PLEKHG1: variants seen among roughly 807,000 people sequenced by gnomAD.
PLEKHG1 encodes the protein pleckstrin homology domain-containing family G member 1.
Under a neutral mutation model 100.8 loss-of-function variants are expected in PLEKHG1, and 44 were observed. That is an observed-to-expected ratio of 0.44 (90% CI 0.34 to 0.56). PLEKHG1 has a LOEUF of 0.56. Ranked by LOEUF, PLEKHG1 falls within the 20% of genes least tolerant of loss-of-function variation. PLEKHG1 has a pLI of 0.01. For synonymous variants in PLEKHG1, 640 were observed against 662.5 expected (o/e 0.97, Z 0.52); for missense variants, 1,545 against 1,720.9 (o/e 0.90, Z 1.81).
upstream of PLEKHG1, among the ~76,000 whole-genome samples, chr6:150,717,880 C>T (rs890573151): frequency 2.0e-5 from 3 of 152,012 alleles, no homozygotes; most frequent in African/African-American, 4.8e-5. Flanking sequence ...GTTGGAGACC[C>T]GCCTCGACAA....
At chr6:150,655,636 A>G (rs962258926) in intron 3 of PLEKHG1, among the ~76,000 whole-genome samples, 1 of 132,418 alleles carries the variant, frequency 7.6e-6, no homozygotes, top group Non-Finnish European at 1.6e-5. Flanking sequence ...TGAACCTGGG[A>G]GGTGGAGCTT....
chr6:150,832,681 C>CTT (rs66957918), intron 15 of PLEKHG1, among the ~76,000 whole-genome samples: 48,656 of 125,424 alleles, frequency 0.39, 11,022 homozygotes, highest in East Asian at 0.49. Flanking sequence ...TTTTTGCATA[C>CTT]TTTTTTTTTT....
intron 3 of PLEKHG1, among the ~76,000 whole-genome samples, chr6:150,776,217 G>A (rs578174153): frequency 6.6e-6 from 1 of 152,198 alleles, no homozygotes; most frequent in Non-Finnish European, 1.5e-5. Context: ...TGTTTTAACC[G>A]TCCTACTCAA....
At chr6:150,715,313 G>T (rs1163114641) in intron 3 of PLEKHG1, among the ~76,000 whole-genome samples, 2 of 152,116 alleles carry the variant, frequency 1.3e-5, no homozygotes, top group African/African-American at 2.4e-5. Context: ...CAGTCTGGAA[G>T]AATGTGTATA....
intron 10 of PLEKHG1, among the ~76,000 whole-genome samples, chr6:150,811,559 A>G (rs1787531580): frequency 6.6e-6 from 1 of 152,026 alleles, no homozygotes; most frequent in Non-Finnish European, 1.5e-5. Context: ...GGCATGAGCC[A>G]CTGTGCCCAG....
At chr6:150,796,553 C>A (rs1786346381) in intron 5 of PLEKHG1, among the ~76,000 whole-genome samples, 1 of 152,068 alleles carries the variant, frequency 6.6e-6, no homozygotes, top group South Asian at 2.1e-4. Flanking sequence ...CTTTTTTTCT[C>A]CAGAAGACAT....
intron 4 of PLEKHG1, among the ~76,000 whole-genome samples, chr6:150,790,702 A>T (rs1428237858): frequency 6.6e-6 from 1 of 152,200 alleles, no homozygotes; most frequent in African/African-American, 2.4e-5. Flanking sequence ...TATCCACGTA[A>T]TGAAGTACTG....
chr6:150,654,666 C>T (rs1048153258), intron 3 of PLEKHG1, among the ~76,000 whole-genome samples: 1 of 152,250 alleles, frequency 6.6e-6, no homozygotes, highest in African/African-American at 2.4e-5. Flanking sequence ...GAAACAACAC[C>T]GCTCAGCCCT....
chr6:150,664,889 T>C (rs1779337956), intron 3 of PLEKHG1, among the ~76,000 whole-genome samples: 1 of 152,216 alleles, frequency 6.6e-6, no homozygotes, highest in South Asian at 2.1e-4. Flanking sequence ...CAGATTACTC[T>C]GTTACTTTCT....
At chr6:150,700,330 C>T (rs114964286) in intron 3 of PLEKHG1, among the ~76,000 whole-genome samples, 4,995 of 152,230 alleles carry the variant, frequency 0.033, 259 homozygotes, top group African/African-American at 0.11. Context: ...TCCCCAGGAC[C>T]AGTAACATCA....
At chr6:150,762,018 C>A (rs1334761428) in intron 2 of PLEKHG1, among the ~76,000 whole-genome samples, 2 of 152,114 alleles carry the variant, frequency 1.3e-5, no homozygotes, top group Non-Finnish European at 2.9e-5. Flanking sequence ...ACATTTTTTA[C>A]CAATGGTTTA....
intron 1 of PLEKHG1, among the ~76,000 whole-genome samples, chr6:150,603,293 A>G (rs1433111587): frequency 6.6e-6 from 1 of 152,118 alleles, no homozygotes; most frequent in East Asian, 1.9e-4. Flanking sequence ...GCTTGCATCA[A>G]TCTTGCTTGA....
At chr6:150,644,334 G>GTTTTTTTTTTTTTTGTTTTTTTTTTTTTT (rs1778395645) in intron 2 of PLEKHG1, among the ~76,000 whole-genome samples, 1 of 117,622 alleles carries the variant, frequency 8.5e-6, no homozygotes, top group Non-Finnish European at 1.7e-5. Context: ...TTCTTTTCGT[G>GTTTTTTTTTTTTTTGTTTTTTTTTTTTTT]TTTTTTTTTT....
intron 3 of PLEKHG1, among the ~76,000 whole-genome samples, chr6:150,696,757 A>C (rs1780559674): frequency 6.6e-6 from 1 of 152,168 alleles, no homozygotes; most frequent in Non-Finnish European, 1.5e-5. Context: ...TATATTTTAA[A>C]AGTATTCCCG....
intron 1 of PLEKHG1, among the ~76,000 whole-genome samples, chr6:150,729,630 C>T (rs1249904837): frequency 4.6e-5 from 7 of 152,294 alleles, no homozygotes; most frequent in East Asian, 1.9e-4. Context: ...TCTCATATTA[C>T]GTGCCATTAT....
intron 4 of PLEKHG1, among the ~76,000 whole-genome samples, chr6:150,795,395 C>CAAA (rs34535873): frequency 7.0e-6 from 1 of 143,428 alleles, no homozygotes; most frequent in African/African-American, 2.6e-5. Flanking sequence ...GATTCCATCT[C>CAAA]AAAAAAAAAA....
chr6:150,776,827 G>A (rs1032303436), intron 3 of PLEKHG1, among the ~76,000 whole-genome samples: 59 of 151,536 alleles, frequency 3.9e-4, no homozygotes, highest in Non-Finnish European at 7.7e-4. Flanking sequence ...CAATCCTGGC[G>A]TACATGTGCG....
At chr6:150,654,840 A>C (rs144878534) in intron 3 of PLEKHG1, among the ~76,000 whole-genome samples, 1 of 152,378 alleles carries the variant, frequency 6.6e-6, no homozygotes, top group East Asian at 1.9e-4. Flanking sequence ...TGAGCTAGAC[A>C]TTGCTAAGAA....
intron 1 of PLEKHG1, among the ~76,000 whole-genome samples, chr6:150,627,622 T>C (rs1777560681): frequency 1.3e-5 from 2 of 152,170 alleles, no homozygotes. Context: ...AAGTATTTAC[T>C]AGTCCGCAAG....
Sources: gnomAD v4.1 joint callset for allele counts (sites outside exome capture counted in the v4.1 genomes callset) on GRCh38, gnomAD v4.1.1 for gene constraint, MANE v1.5 for transcripts, NCBI Gene and HGNC (gene_info 2026-07-23, HGNC 2026-07-21) for gene names.